The following CD8B variants were observed in gnomAD, a reference collection of about 807,000 sequenced individuals.
CD8B encodes T-cell surface glycoprotein CD8 beta chain.
A neutral mutation model predicts 24.2 loss-of-function variants in CD8B; 6 were observed. That is an observed-to-expected ratio of 0.25 (90% CI 0.14 to 0.49). The LOEUF (loss-of-function observed/expected upper bound fraction) is 0.49, where lower values mean the gene tolerates loss of function less well. Ranked by LOEUF, CD8B falls within the 20% of genes least tolerant of loss-of-function variation. The probability of loss-of-function intolerance (pLI) is 0.98; values close to 1 mark genes in which losing one functional copy is unlikely to be tolerated. For synonymous variants in CD8B, 84 were observed against 108.3 expected (o/e 0.78, Z 1.39); for missense variants, 196 against 271.3 (o/e 0.72, Z 1.95).
chr2:86,829,687 C>G (rs1039814886), intron 5 of CD8B, among the ~76,000 whole-genome samples: 2 of 152,192 alleles, frequency 1.3e-5, no homozygotes, highest in African/African-American at 2.4e-5. Flanking sequence ...AAATCACCAG[C>G]AAGCCTTTGT....
chr2:86,828,335 T>C (rs561562242), intron 5 of CD8B, among the ~76,000 whole-genome samples: 6 of 152,066 alleles, frequency 3.9e-5, no homozygotes, highest in South Asian at 2.1e-4. Context: ...TGTGTGTGTG[T>C]GTGCGTGTCT....
chr2:86,861,858 G>A lies in CD8B; in HGVS notation c.8C>T (p.Pro3Leu), dbSNP rs1027597679. 6.2e-6 allele frequency: 8 copies of A among 1,282,754 alleles called. No homozygotes were observed. Among genetic ancestry groups the A allele is most frequent in the African/African-American group, 1.5e-5 (1 of 64,792 alleles). The allele number at this position is 1,282,754 out of a possible 1,614,324, so 79.5% of individuals were successfully genotyped here. The change falls in exon 1 of 6, where the codon CCG becomes CTG. Residue 3 changes from proline (P) to leucine (L), a missense_variant. Pro to Leu is a moderately conservative substitution (Grantham distance 98). Coordinates refer to ENST00000390655, the MANE Select transcript of CD8B (RefSeq NM_004931.5). ...CGCGGCCAAGAGGAGCCACAGCCGCGGCCGCATCGTGGCGCGCCCGGGACA... is the reference window on the plus strand; with the variant it reads ...CGCGGCCAAGAGGAGCCACAGCCGCAGCCGCATCGTGGCGCGCCCGGGACA... MR[P>L]RLWLLLAAQL...
rs886126980 is a variant in CD8B at position 86,855,333 on chromosome 2, A to G, written c.404-2247T>C. ...TAGGATGAAAGTGCACTAAGCTCCA[A>G]CCATGTGTGGGGAGCAGTGCTGAGC... On this transcript the variant is annotated intron_variant, in intron 2 of 5. Transcript: ENST00000390655. 5.3e-3 allele frequency among the ~76,000 whole-genome samples: 814 copies of G among 152,306 alleles called. 8 individuals carry two copies. Among genetic ancestry groups the G allele is most frequent in the African/African-American group, 0.018 (752 of 41,558 alleles).
intron 3 of CD8B, among the ~76,000 whole-genome samples, chr2:86,848,847 G>T (rs1353492458): frequency 6.6e-6 from 1 of 152,074 alleles, no homozygotes; most frequent in Admixed American, 6.5e-5. Context: ...CTCCTTAGTA[G>T]CTGGGATTAC....
At chr2:86,819,524 G>A (rs1674382163) in intron 5 of CD8B, among the ~76,000 whole-genome samples, 1 of 152,164 alleles carries the variant, frequency 6.6e-6, no homozygotes, top group Non-Finnish European at 1.5e-5. Flanking sequence ...AAATGGAATA[G>A]CAAAGCCTGG....
intron 5 of CD8B, among the ~76,000 whole-genome samples, chr2:86,824,346 G>A (rs920339957): frequency 4.6e-5 from 7 of 152,094 alleles, no homozygotes; most frequent in African/African-American, 7.2e-5. Flanking sequence ...CCCCCATTTT[G>A]TTCTGCATCT....
chr2:86,854,972 T>G (rs1269881230), intron 2 of CD8B, among the ~76,000 whole-genome samples: 1 of 151,766 alleles, frequency 6.6e-6, no homozygotes, highest in East Asian at 1.9e-4. Flanking sequence ...AATACAAAAA[T>G]TAGTTGGGCG....
chr2:86,823,129 C>T (rs947031361), intron 5 of CD8B, among the ~76,000 whole-genome samples: 14 of 152,126 alleles, frequency 9.2e-5, no homozygotes, highest in African/African-American at 3.4e-4. Context: ...ACCAACTCCC[C>T]ATTCCCCCTC....
At chr2:86,860,082 C>T (rs1431049315) in intron 1 of CD8B, among the ~76,000 whole-genome samples, 5 of 152,044 alleles carry the variant, frequency 3.3e-5, no homozygotes, top group Admixed American at 6.5e-5. Flanking sequence ...CCAGCCTGGG[C>T]AACATAGTGA....
downstream of CD8B, among the ~76,000 whole-genome samples, chr2:86,837,924 A>G (rs1675245436): frequency 6.6e-6 from 1 of 152,140 alleles, no homozygotes; most frequent in Admixed American, 6.5e-5. Context: ...AGGTTGCTGG[A>G]GTGCAGCCCA....
chr2:86,859,215 A>G, intron 1 of CD8B, among the ~76,000 whole-genome samples: 1 of 151,576 alleles, frequency 6.6e-6, no homozygotes, highest in East Asian at 1.9e-4. Context: ...ACAGCCCATG[A>G]CCCCCGAGCC....
At chr2:86,849,105 G>A (rs1247452227) in intron 3 of CD8B, among the ~76,000 whole-genome samples, 3 of 152,278 alleles carry the variant, frequency 2.0e-5, no homozygotes, top group African/African-American at 7.2e-5. Context: ...AGGTCACCCA[G>A]CTACTAAAAG....
At chr2:86,832,290 C>T (rs1226215290) in intron 5 of CD8B, among the ~76,000 whole-genome samples, 5 of 151,968 alleles carry the variant, frequency 3.3e-5, no homozygotes, top group Non-Finnish European at 7.4e-5. Context: ...ACCAGCCTGG[C>T]CAACATGGTG....
Position 86,839,536 on chromosome 2 carries a change from T to C in CD8B, c.*2771A>G, listed in dbSNP as rs937454573. Reference sequence around the variant, plus strand: ...CCTTCTTCAAACAAAGGTCAGGTGCTGGGTGCAGACCTTCTCACCGCAGCC... The same window carrying C: ...CCTTCTTCAAACAAAGGTCAGGTGCCGGGTGCAGACCTTCTCACCGCAGCC... On this transcript the variant is annotated 3_prime_UTR_variant, in exon 6 of 6. Transcript: ENST00000390655. 2.6e-5 allele frequency among the ~76,000 whole-genome samples: 4 copies of C among 152,246 alleles called. No individual in the cohort carries two copies. Among genetic ancestry groups the C allele is most frequent in the African/African-American group, 9.6e-5 (4 of 41,468 alleles).
In CD8B at chr2:86,838,524, GGTCT is replaced by G. The variant is rs1675269732; in HGVS notation, c.*3779_*3782del. ...TAGAAAAAATTTATTTTTGAGACAA[GGTCT>G]GTCTGTGTTGCCCAGGCTGGAGTGC... On this transcript the variant is annotated 3_prime_UTR_variant, in exon 6 of 6. Coordinates refer to ENST00000390655, the MANE Select transcript of CD8B (RefSeq NM_004931.5). Among the ~76,000 whole-genome samples the G allele has an allele frequency of 6.6e-6, 1 of 152,050 alleles. No homozygotes were observed. Among genetic ancestry groups the G allele is most frequent in the Non-Finnish European group, 1.5e-5 (1 of 68,020 alleles).
intron 3 of CD8B, among the ~76,000 whole-genome samples, chr2:86,847,172 A>G (rs1312287554): frequency 6.6e-6 from 1 of 151,754 alleles, no homozygotes; most frequent in African/African-American, 2.4e-5. Flanking sequence ...CCTGGCCTCA[A>G]GCAATCCGCC....
intron 3 of CD8B, among the ~76,000 whole-genome samples, chr2:86,847,512 T>G (rs189638421): frequency 0.019 from 2,857 of 152,324 alleles, 95 homozygotes; most frequent in African/African-American, 0.065. Flanking sequence ...TTTCCATGCC[T>G]ATGTAATTTT....
chr2:86,832,869 C>G (rs1246559439), intron 5 of CD8B: 1 of 179,596 alleles, frequency 5.6e-6, no homozygotes, highest in Non-Finnish European at 1.2e-5. Context: ...AAATTTATCC[C>G]TTTTCCAGGG....
Position 86,839,880 on chromosome 2 carries a change from G to A in CD8B, c.*2427C>T, listed in dbSNP as rs1188969501. Among the ~76,000 whole-genome samples, 2 of 152,166 alleles carry A rather than the reference G, an allele frequency of 1.3e-5. No homozygotes were observed. The highest frequency in any genetic ancestry group is 2.9e-5 in the Non-Finnish European group (2 of 68,044). On this transcript the variant is annotated 3_prime_UTR_variant, in exon 6 of 6. Coordinates refer to ENST00000390655, the MANE Select transcript of CD8B (RefSeq NM_004931.5). The stretch of plus-strand genomic sequence containing the variant: ...ATCTCTTATTTGTTTGTGATGGGCC[G>A]GGTGAGGGGCCCACCTGAAACACGA...
Sources: gnomAD v4.1 joint callset for allele counts (sites outside exome capture counted in the v4.1 genomes callset) on GRCh38, gnomAD v4.1.1 for gene constraint, MANE v1.5 for transcripts, NCBI Gene and HGNC (gene_info 2026-07-23, HGNC 2026-07-21) for gene names.